CAMK2G: variants seen among roughly 807,000 people sequenced by gnomAD.
CAMK2G encodes calcium/calmodulin dependent protein kinase II gamma.
A neutral mutation model predicts 88.7 loss-of-function variants in CAMK2G; 23 were observed. The ratio of observed to expected loss-of-function variants is 0.26; its 90% CI spans 0.19 to 0.37. The LOEUF (loss-of-function observed/expected upper bound fraction) is 0.37, where lower values mean the gene tolerates loss of function less well. Among genes scored for constraint, CAMK2G ranks in the 10% least tolerant of loss-of-function variants. The pLI, the probability that CAMK2G is intolerant of heterozygous loss-of-function variation, is 1.00. For missense variants in CAMK2G, 476 were observed against 780.8 expected (o/e 0.61, Z 4.65); for synonymous variants, 263 against 294.8 (o/e 0.89, Z 1.11).
At chr10:73,832,806 T>TG (rs1171276453) in intron 14 of CAMK2G, among the ~76,000 whole-genome samples, 3 of 152,120 alleles carry the variant, frequency 2.0e-5, no homozygotes, top group African/African-American at 4.8e-5. Flanking sequence ...TTTTAAGAGT[T>TG]GGGGGTCTCA....
rs1218696597 is a variant in CAMK2G, at chr10:73,842,917, CGA to C, written c.820-378_820-377del. ...CTACTGCGTTCCAGATGCTCAGCAG[CGA>C]GAGAACGGCAGGGTTCCTGCTCTCT... On this transcript the variant is annotated intron_variant, in intron 10 of 22. Coordinates refer to ENST00000423381, the MANE Select transcript of CAMK2G (RefSeq NM_001367534.1). This position sits in a 1 kb window ranked among gnomAD's most constrained non-coding sequence, Gnocchi z 4.6. Among the ~76,000 whole-genome samples the C allele has an allele frequency of 6.6e-6, 1 of 152,090 alleles. No individual in the cohort carries two copies. The highest frequency in any genetic ancestry group is 2.4e-5 in the African/African-American group (1 of 41,404).
rs1283859276 is a variant in CAMK2G, at chr10:73,828,045, A to G, written c.1086+44T>C. ...AGGTTTGCGTGGCTGGCAGGCGGGC[A>G]CAGGCAGCATGGAGTGGGCGATGGG... On this transcript the variant is annotated intron_variant, in intron 15 of 22. Coordinates refer to ENST00000423381, the MANE Select transcript of CAMK2G (RefSeq NM_001367534.1). 3 of 1,555,436 alleles carry G rather than the reference A, an allele frequency of 1.9e-6. No individual in the cohort carries two copies. In the South Asian group the frequency reaches 3.3e-5, roughly 17 times the overall value.
intron 2 of CAMK2G, among the ~76,000 whole-genome samples, chr10:73,869,742 G>T (rs2095746299): frequency 6.6e-6 from 1 of 152,200 alleles, no homozygotes; most frequent in African/African-American, 2.4e-5. Flanking sequence ...AGCTTCAAAA[G>T]AAATTTCTTC....
intron 2 of CAMK2G, among the ~76,000 whole-genome samples, chr10:73,869,546 G>A (rs1048546834): frequency 6.6e-5 from 10 of 152,154 alleles, no homozygotes; most frequent in African/African-American, 2.4e-4. Context: ...AGTTTCCTAG[G>A]AGCCAAAGCC....
At chr10:73,836,822 A>G (rs2134158388) in intron 14 of CAMK2G, among the ~76,000 whole-genome samples, 1 of 152,276 alleles carries the variant, frequency 6.6e-6, no homozygotes, top group African/African-American at 2.4e-5. Flanking sequence ...TACCTTGGCC[A>G]AGCAGCCATT....
chr10:73,819,707 G>A (rs1589798772), intron 18 of CAMK2G, 62 bp from the exon 19 acceptor site: 3 of 1,070,936 alleles, frequency 2.8e-6, no homozygotes, highest in Admixed American at 4.8e-5. Context: ...ACAGAACAAG[G>A]CAGGTGAGCG....
intron 14 of CAMK2G, among the ~76,000 whole-genome samples, chr10:73,831,596 G>A (rs994901335): frequency 8.0e-5 from 12 of 149,140 alleles, no homozygotes; most frequent in African/African-American, 2.5e-4. Flanking sequence ...TAGGCCAGGC[G>A]TGGTGGCTCA....
chr10:73,873,679 C>T (rs1377269092), intron 1 of CAMK2G, among the ~76,000 whole-genome samples: 1 of 147,070 alleles, frequency 6.8e-6, no homozygotes, highest in Admixed American at 6.8e-5. Flanking sequence ...TTTTCCTTGA[C>T]GTCCCCGTCA....
chr10:73,856,894 A>C (rs138009057), intron 3 of CAMK2G, among the ~76,000 whole-genome samples: 1 of 152,362 alleles, frequency 6.6e-6, no homozygotes, highest in East Asian at 1.9e-4. Flanking sequence ...CAATTCTTTA[A>C]AAACCACCCA....
chr10:73,816,094 A>G (rs1459765423), intron 21 of CAMK2G: 7 of 985,590 alleles, frequency 7.1e-6, no homozygotes, highest in Non-Finnish European at 8.4e-6. Context: ...AGGATAGGGA[A>G]GGCCCAGCAT....
At chr10:73,851,350 G>A (rs2094599974) in intron 5 of CAMK2G, among the ~76,000 whole-genome samples, 1 of 152,192 alleles carries the variant, frequency 6.6e-6, no homozygotes, top group Non-Finnish European at 1.5e-5. Flanking sequence ...GCGTGGGTGA[G>A]GGAGGCACCA....
At position 73,870,723 on chromosome 10, in the gene CAMK2G, G is replaced by A. The variant is rs1038010751; in HGVS notation, c.160+2266C>T. ...CCAGACACAGAAATCCAACACCTGC[G>A]GAGACCTAGGCAGACAGCGATGAGT... On this transcript the variant is annotated intron_variant, in intron 2 of 22. Coordinates refer to ENST00000423381, the MANE Select transcript of CAMK2G (RefSeq NM_001367534.1). Among the ~76,000 whole-genome samples the A allele has an allele frequency of 2.6e-5, 4 of 152,102 alleles. No homozygotes were observed. In the East Asian group the frequency reaches 5.8e-4, roughly 22 times the overall value.
At position 73,816,171 on chromosome 10, in the gene CAMK2G, G is replaced by T. The variant is rs945283846; in HGVS notation, c.1534+852C>A. The T allele has an allele frequency of 1.1e-5, 11 of 985,372 alleles. No homozygotes were observed. The African/African-American group carries it at 1.9e-4, about 17-fold the overall frequency. 61.0% of individuals were successfully genotyped at this position (985,372 alleles called of 1,614,324 possible). A position where few individuals can be genotyped will look rare whatever the true frequency, so the allele number is the denominator to read the frequency against. Reference sequence around the variant, plus strand: ...AGAGCAGAGAGAAAGATGGGAGGGGGTGATGATTCAGCTTCTTATCCCCTT... The same window carrying T: ...AGAGCAGAGAGAAAGATGGGAGGGGTTGATGATTCAGCTTCTTATCCCCTT... On this transcript the variant is annotated intron_variant, in intron 21 of 22. Coordinates refer to ENST00000423381, the MANE Select transcript of CAMK2G (RefSeq NM_001367534.1).
At chr10:73,850,552 C>T (rs2094545747) in intron 5 of CAMK2G, among the ~76,000 whole-genome samples, 1 of 152,230 alleles carries the variant, frequency 6.6e-6, no homozygotes, top group Admixed American at 6.5e-5. Flanking sequence ...CCACAATGCA[C>T]AGGAGAGGCC....
At chr10:73,830,672 A>G (rs561449921) in intron 14 of CAMK2G, among the ~76,000 whole-genome samples, 1 of 152,292 alleles carries the variant, frequency 6.6e-6, no homozygotes, top group Admixed American at 6.5e-5. Flanking sequence ...AAGTTGTCCT[A>G]CACTCTCAGG....
intron 2 of CAMK2G, among the ~76,000 whole-genome samples, chr10:73,870,358 G>A (rs2095781361): frequency 1.3e-5 from 2 of 152,178 alleles, no homozygotes; most frequent in African/African-American, 2.4e-5. Flanking sequence ...AGACAGGCCC[G>A]CAGACAAAGA....
chr10:73,865,286 A>C (rs1334919878), intron 2 of CAMK2G, among the ~76,000 whole-genome samples: 1 of 152,144 alleles, frequency 6.6e-6, no homozygotes, highest in East Asian at 1.9e-4. Context: ...TACAGTCTGC[A>C]GGTGATGGGC....
At chr10:73,856,933 C>A (rs986188271) in intron 3 of CAMK2G, among the ~76,000 whole-genome samples, 5 of 152,190 alleles carry the variant, frequency 3.3e-5, no homozygotes, top group African/African-American at 1.2e-4. Flanking sequence ...ACTAACAAAT[C>A]TTTCTCCAAA....
intron 2 of CAMK2G, 50 bp from the exon 3 acceptor site, chr10:73,860,939 G>A: frequency 7.6e-7 from 1 of 1,316,774 alleles, no homozygotes; most frequent in Non-Finnish European, 1.1e-6. Flanking sequence ...CATTCTCCTT[G>A]TGGTCACCTT....
Sources: allele counts gnomAD v4.1 joint callset (sites outside exome capture counted in the v4.1 genomes callset), GRCh38; gene constraint gnomAD v4.1.1; non-coding constraint Gnocchi (gnomAD v3.1); transcripts MANE v1.5; gene names NCBI Gene and HGNC (gene_info 2026-07-23, HGNC 2026-07-21).